ADARB2: variants seen among roughly 807,000 people sequenced by gnomAD.
ADARB2 encodes adenosine deaminase RNA specific B2 (inactive), also known as inactive double-stranded RNA-specific editase B2.
ADARB2 carries 25 observed loss-of-function variants against 62.2 expected under a neutral mutation model. The ratio of observed to expected loss-of-function variants is 0.40; its 90% CI spans 0.29 to 0.56. ADARB2 has a LOEUF of 0.56. ADARB2 is among the 20% of genes least tolerant of loss of function. ADARB2 has a pLI of 0.43. For missense variants in ADARB2, 1,071 were observed against 1,077.4 expected (o/e 0.99, Z 0.08); for synonymous variants, 572 against 500.8 (o/e 1.14, Z -1.90).
intron 8 of ADARB2, among the ~76,000 whole-genome samples, chr10:1,189,502 C>A (rs1265596462): frequency 6.6e-6 from 1 of 152,082 alleles, no homozygotes. Context: ...AAATGAAAGC[C>A]TGGCTTGTGT....
intron 1 of ADARB2, among the ~76,000 whole-genome samples, chr10:1,386,787 A>G (rs896139819): frequency 4.6e-5 from 7 of 152,052 alleles, no homozygotes; most frequent in African/African-American, 1.7e-4. Context: ...AAATTAGAAG[A>G]ACTCTAACAG....
chr10:1,606,272 G>T (rs1190986145), intron 1 of ADARB2, among the ~76,000 whole-genome samples: 2 of 152,174 alleles, frequency 1.3e-5, no homozygotes, highest in Non-Finnish European at 2.9e-5. Context: ...GGGCTTAGAA[G>T]TGCAAAGTCA....
At chr10:1,309,766 C>T (rs1831667177) in intron 3 of ADARB2, among the ~76,000 whole-genome samples, 1 of 152,182 alleles carries the variant, frequency 6.6e-6, no homozygotes, top group Non-Finnish European at 1.5e-5. Context: ...GGGAGGGGCT[C>T]TCTGGGGTGT....
chr10:1,490,680 C>A (rs1831610927), intron 1 of ADARB2, among the ~76,000 whole-genome samples: 2 of 152,162 alleles, frequency 1.3e-5, no homozygotes, highest in African/African-American at 4.8e-5. Context: ...GTCTTGAACT[C>A]CTGACCTCAA....
chr10:1,228,477 G>T (rs896447767), intron 6 of ADARB2, among the ~76,000 whole-genome samples: 1 of 152,178 alleles, frequency 6.6e-6, no homozygotes, highest in Non-Finnish European at 1.5e-5. Flanking sequence ...CGTCGCCCTC[G>T]TGAGTCTGTG....
intron 1 of ADARB2, among the ~76,000 whole-genome samples, chr10:1,665,246 A>G (rs1834300857): frequency 6.6e-6 from 1 of 152,224 alleles, no homozygotes; most frequent in African/African-American, 2.4e-5. Context: ...TTTCCTTAAT[A>G]TTTAAGACTT....
intron 1 of ADARB2, among the ~76,000 whole-genome samples, chr10:1,668,999 G>A (rs190892608): frequency 5.9e-5 from 9 of 152,332 alleles, no homozygotes; most frequent in Admixed American, 1.3e-4. Context: ...CTGGTTGGCC[G>A]TGACCGTCTC....
chr10:1,527,910 G>A (rs1372330351), intron 1 of ADARB2, among the ~76,000 whole-genome samples: 2 of 152,192 alleles, frequency 1.3e-5, no homozygotes, highest in African/African-American at 4.8e-5. Flanking sequence ...CATTCTGGAT[G>A]CACAAATTAA....
intron 1 of ADARB2, among the ~76,000 whole-genome samples, chr10:1,524,149 A>G (rs1832110679): frequency 1.3e-5 from 2 of 152,162 alleles, no homozygotes; most frequent in Admixed American, 1.3e-4. Flanking sequence ...CTTTGTCACT[A>G]TCTTTAAGGT....
intron 3 of ADARB2, among the ~76,000 whole-genome samples, chr10:1,326,695 T>G (rs564102384): frequency 2.1e-5 from 3 of 145,834 alleles, no homozygotes; most frequent in African/African-American, 7.6e-5. Flanking sequence ...ACACAGTGCC[T>G]CCTCACAGCT....
At chr10:1,424,997 A>T (rs1368298228) in intron 1 of ADARB2, among the ~76,000 whole-genome samples, 4 of 152,316 alleles carry the variant, frequency 2.6e-5, no homozygotes, top group Non-Finnish European at 4.4e-5. Flanking sequence ...CATGAAAAAA[A>T]GCTAATCACC....
chr10:1,238,618 C>T lies in ADARB2; in HGVS notation c.1361+3513G>A, dbSNP rs1321359489. ...GCCTCCCGGTGTTTACTCCCCTCTG[C>T]CTCCCGGTGTTCACTCCCCTCTGTC... On this transcript the variant is annotated intron_variant, in intron 5 of 9. Transcript: ENST00000381312. 8.0e-3 allele frequency among the ~76,000 whole-genome samples: 14 copies of T among 1,746 alleles called. 1 individual carries two copies. Among genetic ancestry groups the T allele is most frequent in the East Asian group, 0.037 (3 of 82 alleles). 1.1% of individuals were successfully genotyped at this position (1,746 alleles called of 152,430 possible).
chr10:1,527,822 A>G (rs976904144), intron 1 of ADARB2, among the ~76,000 whole-genome samples: 2 of 152,204 alleles, frequency 1.3e-5, no homozygotes, highest in African/African-American at 4.8e-5. Context: ...GATGGACGAC[A>G]GGGGAGAGGG....
At chr10:1,610,747 C>T (rs1053368070) in intron 1 of ADARB2, among the ~76,000 whole-genome samples, 4 of 109,286 alleles carry the variant, frequency 3.7e-5, no homozygotes, top group Admixed American at 9.1e-5. Context: ...GATGGGCAGG[C>T]GCACACACAC....
chr10:1,637,374 T>C (rs1833929054), intron 1 of ADARB2, among the ~76,000 whole-genome samples: 1 of 152,204 alleles, frequency 6.6e-6, no homozygotes, highest in African/African-American at 2.4e-5. Flanking sequence ...TATAATCACA[T>C]AGCAATCCCC....
intron 2 of ADARB2, among the ~76,000 whole-genome samples, chr10:1,371,571 C>T (rs973755722): frequency 1.1e-4 from 17 of 152,072 alleles, no homozygotes; most frequent in African/African-American, 3.9e-4. Context: ...GGCTAATATC[C>T]GGAATCTGCA....
At chr10:1,196,571 CA>C (rs1313225986) in intron 8 of ADARB2, among the ~76,000 whole-genome samples, 1 of 151,900 alleles carries the variant, frequency 6.6e-6, no homozygotes, top group Non-Finnish European at 1.5e-5. Context: ...AATTATTATA[CA>C]AAATATTTTT....
chr10:1,504,960 GAC>G (rs979110660), intron 1 of ADARB2, among the ~76,000 whole-genome samples: 8 of 151,380 alleles, frequency 5.3e-5, no homozygotes, highest in South Asian at 2.1e-4. Context: ...AGACACACAT[GAC>G]ACACACAGAC....
At chr10:1,463,529 TA>T (rs1831205372) in intron 1 of ADARB2, among the ~76,000 whole-genome samples, 2 of 152,252 alleles carry the variant, frequency 1.3e-5, no homozygotes, top group Admixed American at 1.3e-4. Flanking sequence ...AATGAGAGTC[TA>T]TTTACGTCTC....
Sources: gnomAD v4.1 joint callset for allele counts (sites outside exome capture counted in the v4.1 genomes callset) on GRCh38, gnomAD v4.1.1 for gene constraint, MANE v1.5 for transcripts, NCBI Gene and HGNC (gene_info 2026-07-23, HGNC 2026-07-21) for gene names.